Variants in RNF180 observed in about 807,000 individuals in gnomAD.
RNF180 encodes ring finger protein 180.
In RNF180, 38 loss-of-function variants were observed where a neutral mutation model predicts 59.2. The observed-to-expected ratio is 0.64, with a 90% CI of 0.50 to 0.84. RNF180 has a LOEUF of 0.84. Ranked by LOEUF, RNF180 falls within the 40% of genes least tolerant of loss-of-function variation. RNF180 has a pLI of 0.00. For missense variants in RNF180, 705 were observed against 700.9 expected (o/e 1.01, Z -0.07); for synonymous variants, 262 against 240.3 (o/e 1.09, Z -0.84).
intron 5 of RNF180, among the ~76,000 whole-genome samples, chr5:64,262,148 G>A (rs1418109658): frequency 6.6e-6 from 1 of 152,060 alleles, no homozygotes; most frequent in African/African-American, 2.4e-5. Context: ...CTTTGCAGTG[G>A]TAACTTACTA....
At chr5:64,185,203 T>C (rs146813544) in intron 1 of RNF180, among the ~76,000 whole-genome samples, 51 of 152,348 alleles carry the variant, frequency 3.3e-4, no homozygotes, top group African/African-American at 7.9e-4. Context: ...CCTTCACTGC[T>C]ATCACCTTAA....
At chr5:64,179,852 G>A (rs902426826) in intron 1 of RNF180, among the ~76,000 whole-genome samples, 3 of 152,090 alleles carry the variant, frequency 2.0e-5, no homozygotes, top group African/African-American at 4.8e-5. Context: ...ATACCTCCCC[G>A]TAGCAGTTTT....
intron 1 of RNF180, among the ~76,000 whole-genome samples, chr5:64,172,734 C>T (rs1277726759): frequency 6.6e-6 from 1 of 152,136 alleles, no homozygotes; most frequent in Non-Finnish European, 1.5e-5. Flanking sequence ...CCGTGTATTG[C>T]AGGAGAGTTG....
intron 7 of RNF180, among the ~76,000 whole-genome samples, chr5:64,363,037 T>C (rs1361401449): frequency 6.6e-6 from 1 of 151,496 alleles, no homozygotes; most frequent in African/African-American, 2.4e-5. Flanking sequence ...TGTCATTCTG[T>C]AGGTTGTCTT....
chr5:64,241,779 A>G (rs556386754), intron 5 of RNF180, among the ~76,000 whole-genome samples: 1 of 152,136 alleles, frequency 6.6e-6, no homozygotes, highest in Non-Finnish European at 1.5e-5. Context: ...ACAGTTTTTC[A>G]TTACCCACAT....
chr5:64,219,932 C>T (rs1326364020), intron 5 of RNF180, among the ~76,000 whole-genome samples: 1 of 152,158 alleles, frequency 6.6e-6, no homozygotes, highest in Non-Finnish European at 1.5e-5. Flanking sequence ...TTAATAATTA[C>T]AGGACAATCC....
rs575396095 is a variant in RNF180 at position 64,337,440 on chromosome 5, A to G, written c.1579+7034A>G. ...ATAATAGCCTACTTTTCTGAATATT[A>G]TACAATCTTGCTGAGATTTTTATAT... is the stretch of plus-strand genomic sequence containing the variant. On this transcript the variant is annotated intron_variant, in intron 7 of 7. Coordinates refer to ENST00000389100, the MANE Select transcript of RNF180 (RefSeq NM_001113561.2). 3.3e-5 allele frequency among the ~76,000 whole-genome samples: 5 copies of G among 152,296 alleles called. No homozygotes were observed. The East Asian group carries it at 5.8e-4, about 18-fold the overall frequency.
intron 2 of RNF180, among the ~76,000 whole-genome samples, chr5:64,204,381 C>T (rs1751911768): frequency 1.3e-5 from 2 of 152,192 alleles, no homozygotes; most frequent in Non-Finnish European, 2.9e-5. Context: ...TTCAACTTTA[C>T]TGGGCAATGC....
intron 5 of RNF180, among the ~76,000 whole-genome samples, chr5:64,267,315 A>G (rs1038277356): frequency 6.6e-6 from 1 of 151,990 alleles, no homozygotes; most frequent in African/African-American, 2.4e-5. Context: ...TACACTGAAA[A>G]AGTTTTTTTT....
chr5:64,187,575 G>A (rs1337016843), intron 1 of RNF180, among the ~76,000 whole-genome samples: 1 of 152,122 alleles, frequency 6.6e-6, no homozygotes, highest in Non-Finnish European at 1.5e-5. Context: ...TCATAAATTA[G>A]CAGTTTCAAA....
chr5:64,236,212 T>C (rs1341762488), intron 5 of RNF180, among the ~76,000 whole-genome samples: 2 of 152,170 alleles, frequency 1.3e-5, no homozygotes, highest in Non-Finnish European at 2.9e-5. Context: ...TAAGGCTGAG[T>C]TGGTCTCAGG....
intron 5 of RNF180, among the ~76,000 whole-genome samples, chr5:64,219,960 T>C (rs1042250550): frequency 5.3e-5 from 8 of 152,206 alleles, no homozygotes; most frequent in Non-Finnish European, 8.8e-5. Flanking sequence ...CTACTTCATA[T>C]GGGGTAAATT....
chr5:64,254,093 A>T (rs1396581226), intron 5 of RNF180, among the ~76,000 whole-genome samples: 3 of 152,176 alleles, frequency 2.0e-5, no homozygotes, highest in Admixed American at 6.6e-5. Flanking sequence ...TTCAACTCTG[A>T]TAAACAGAAA....
intron 5 of RNF180, among the ~76,000 whole-genome samples, chr5:64,305,478 AT>A (rs532504332): frequency 0.013 from 1,874 of 146,926 alleles, 19 homozygotes; most frequent in African/African-American, 0.017. Context: ...ATGTTACTGA[AT>A]TTTTTTTTTT....
At chr5:64,174,174 A>G (rs911098845) in intron 1 of RNF180, among the ~76,000 whole-genome samples, 2 of 152,178 alleles carry the variant, frequency 1.3e-5, no homozygotes, top group Non-Finnish European at 2.9e-5. Flanking sequence ...TCCATTGTGT[A>G]TATATACCAC....
At chr5:64,231,583 G>A (rs1742105932) in intron 5 of RNF180, among the ~76,000 whole-genome samples, 3 of 152,198 alleles carry the variant, frequency 2.0e-5, no homozygotes, top group Admixed American at 2.0e-4. Flanking sequence ...AAATCATTAT[G>A]CGAAATATTG....
intron 5 of RNF180, among the ~76,000 whole-genome samples, chr5:64,242,784 G>A (rs1479318737): frequency 6.6e-6 from 1 of 152,118 alleles, no homozygotes; most frequent in African/African-American, 2.4e-5. Flanking sequence ...TCACATTATT[G>A]GGATCCCAGA....
intron 5 of RNF180, among the ~76,000 whole-genome samples, chr5:64,284,294 T>C (rs1742165669): frequency 6.6e-6 from 1 of 152,214 alleles, no homozygotes; most frequent in African/African-American, 2.4e-5. Context: ...ATATTTTTTC[T>C]TTCATGTTGA....
Position 64,370,492 on chromosome 5 carries a change from G to C in RNF180, c.*678G>C, listed in dbSNP as rs949351727. 5.9e-5 allele frequency: 9 copies of C among 151,638 alleles called. No individual in the cohort carries two copies. Among genetic ancestry groups the C allele is most frequent in the Admixed American group, 4.0e-4 (6 of 15,160 alleles). The allele number at this position is 151,638 out of a possible 1,614,324, so 9.4% of individuals were successfully genotyped here. A position where few individuals can be genotyped will look rare whatever the true frequency, so the allele number is the denominator to read the frequency against. On this transcript the variant is annotated 3_prime_UTR_variant, in exon 8 of 8. Coordinates refer to ENST00000389100, the MANE Select transcript of RNF180 (RefSeq NM_001113561.2). ...TTCCAGATTGAAGGATTAATCACCA[G>C]AAGACATGAAAAATTTACCGACTTT...
Sources: gnomAD v4.1 joint callset for allele counts (sites outside exome capture counted in the v4.1 genomes callset) on GRCh38, gnomAD v4.1.1 for gene constraint, MANE v1.5 for transcripts, NCBI Gene and HGNC (gene_info 2026-07-23, HGNC 2026-07-21) for gene names.